Variants in GPHN observed in about 807,000 individuals in gnomAD.
GPHN encodes gephyrin.
In GPHN, 17 loss-of-function variants were observed where a neutral mutation model predicts 95.5. The observed-to-expected ratio is 0.18, with a 90% CI of 0.12 to 0.27. GPHN has a LOEUF of 0.27. Ranked by LOEUF, GPHN falls within the 10% of genes least tolerant of loss-of-function variation. GPHN has a pLI of 1.00. For missense variants in GPHN, 660 were observed against 978.1 expected, an observed-to-expected ratio of 0.67 and a Z score of 4.34; for synonymous variants, 320 against 322.5, an observed-to-expected ratio of 0.99 and a Z score of 0.08.
chr14:67,248,344 ATC>A, the GPHN span, among the ~76,000 whole-genome samples: 2 of 151,994 alleles, frequency 1.3e-5, no homozygotes. Flanking sequence ...ACATAACAAG[ATC>A]TCTTTTCTTA....
chr14:66,839,654 G>T (rs143734539), intron 4 of GPHN, among the ~76,000 whole-genome samples: 303 of 152,240 alleles, frequency 2.0e-3, no homozygotes, highest in African/African-American at 7.1e-3. Flanking sequence ...TGTGATTCAA[G>T]ATTACATTGT....
intron 8 of GPHN, among the ~76,000 whole-genome samples, chr14:66,945,243 G>T (rs765290662): frequency 6.6e-5 from 10 of 152,118 alleles, no homozygotes; most frequent in African/African-American, 2.4e-4. Flanking sequence ...CAGGTTTCCC[G>T]CCTCACAGAT....
At chr14:67,212,607 A>G in the GPHN span, among the ~76,000 whole-genome samples, 1 of 144,426 alleles carries the variant, frequency 6.9e-6, no homozygotes, top group East Asian at 2.0e-4. Context: ...AAATATATAT[A>G]TATATATGTA....
At chr14:67,665,174 A>G in the GPHN span, among the ~76,000 whole-genome samples, 2 of 152,038 alleles carry the variant, frequency 1.3e-5, no homozygotes, top group Non-Finnish European at 2.9e-5. Context: ...TTTGAACCCA[A>G]TCCTACATAA....
chr14:66,690,398 A>T (rs2153406334), intron 2 of GPHN, among the ~76,000 whole-genome samples: 1 of 152,344 alleles, frequency 6.6e-6, no homozygotes, highest in East Asian at 1.9e-4. Flanking sequence ...AAGATACTTA[A>T]TATGACTTCA....
chr14:67,693,870 C>G, the GPHN span, among the ~76,000 whole-genome samples: 52 of 152,194 alleles, frequency 3.4e-4, 1 homozygote, highest in East Asian at 9.8e-3. Flanking sequence ...AGGATGGTCT[C>G]GAACTCCTGA....
At chr14:66,736,230 A>G (rs764671412) in intron 2 of GPHN, among the ~76,000 whole-genome samples, 1 of 152,024 alleles carries the variant, frequency 6.6e-6, no homozygotes, top group Non-Finnish European at 1.5e-5. Flanking sequence ...ATTTGAGTAT[A>G]TTTGGTAGTC....
the GPHN span, among the ~76,000 whole-genome samples, chr14:67,513,418 C>T: frequency 1.3e-5 from 2 of 152,166 alleles, no homozygotes; most frequent in Non-Finnish European, 2.9e-5. Context: ...GCTCAGGGGA[C>T]TCAGTTTTCT....
intron 11 of GPHN, among the ~76,000 whole-genome samples, chr14:67,070,709 A>ATAT (rs1555482629): frequency 1.1e-5 from 1 of 91,488 alleles, no homozygotes; most frequent in South Asian, 3.8e-4. Context: ...AAAAAAAAAA[A>ATAT]AAAAAAATAT....
chr14:67,059,696 T>TA (rs1288420707), intron 11 of GPHN, among the ~76,000 whole-genome samples: 3 of 152,184 alleles, frequency 2.0e-5, no homozygotes, highest in African/African-American at 7.2e-5. Context: ...CATTAAATTA[T>TA]AAAAAATAAT....
the GPHN span, among the ~76,000 whole-genome samples, chr14:67,632,042 TTTTG>T: frequency 2.6e-5 from 4 of 152,094 alleles, no homozygotes; most frequent in African/African-American, 4.8e-5. Flanking sequence ...GCCTAGCTAA[TTTTG>T]TTTATTTTTT....
the GPHN span, chr14:67,579,402 G>A: frequency 9.7e-7 from 1 of 1,026,772 alleles, no homozygotes; most frequent in East Asian, 2.8e-5. Context: ...TTGGCAGATT[G>A]TTCACTGTTG....
intron 18 of GPHN, among the ~76,000 whole-genome samples, chr14:67,155,152 A>G (rs1595411774): frequency 6.6e-6 from 1 of 152,300 alleles, no homozygotes. Flanking sequence ...GCCCTGGTAA[A>G]TATCTCAGGC....
rs1555506781 is a variant in GPHN at position 67,165,197 on chromosome 14, G to T, written c.1946G>T (p.Gly649Val). 1 of 1,610,976 alleles carries T rather than the reference G, an allele frequency of 6.2e-7. No individual in the cohort carries two copies. Among genetic ancestry groups the T allele is most frequent in the Middle Eastern group, 1.7e-4 (1 of 6,054 alleles). Reference sequence around the variant, plus strand: ...ACATTTGCAACTTTGGATATTGATGGTGTAAGAAAAATAATCTTTGCACTA... The same window carrying T: ...ACATTTGCAACTTTGGATATTGATGTTGTAAGAAAAATAATCTTTGCACTA... Reference protein sequence around the residue: ...PTTFATLDIDGVRKIIFALPG... With the variant: ...PTTFATLDIDVVRKIIFALPG... Residue 649 changes from glycine (G) to valine (V), a missense_variant, in exon 20 of 23, where the codon GGT becomes GTT. Transcript: ENST00000478722.
intron 9 of GPHN, among the ~76,000 whole-genome samples, chr14:66,984,336 T>C (rs891707346): frequency 2.0e-5 from 3 of 152,198 alleles, no homozygotes; most frequent in Non-Finnish European, 4.4e-5. Context: ...CCCTCTCTTA[T>C]AGGTGCTGAT....
At chr14:66,902,061 T>A (rs2065150718) in intron 5 of GPHN, among the ~76,000 whole-genome samples, 1 of 152,042 alleles carries the variant, frequency 6.6e-6, no homozygotes. Flanking sequence ...CAATGTTTTA[T>A]GGTTCTTCTT....
chr14:67,102,788 A>G (rs1490139059), intron 13 of GPHN, among the ~76,000 whole-genome samples: 1 of 152,252 alleles, frequency 6.6e-6, no homozygotes, highest in East Asian at 1.9e-4. Flanking sequence ...ATGGACTAAC[A>G]CTAGAAACGA....
At chr14:66,668,949 C>A (rs939583750) in intron 1 of GPHN, among the ~76,000 whole-genome samples, 5 of 149,682 alleles carry the variant, frequency 3.3e-5, no homozygotes, top group Admixed American at 1.3e-4. Context: ...GGCGTTATCT[C>A]GGCTCCCTGC....
chr14:67,719,666 C>T, the GPHN span, among the ~76,000 whole-genome samples: 42 of 151,894 alleles, frequency 2.8e-4, no homozygotes, highest in African/African-American at 8.0e-4. Flanking sequence ...TTTGTAGAGA[C>T]GGGGTCTCAC....
Sources: gnomAD v4.1 joint callset for allele counts (sites outside exome capture counted in the v4.1 genomes callset) on GRCh38, gnomAD v4.1.1 for gene constraint, MANE v1.5 for transcripts, NCBI Gene and HGNC (gene_info 2026-07-23, HGNC 2026-07-21) for gene names.